Variants in MYH16 observed in about 807,000 individuals in gnomAD.
The protein encoded by MYH16 is myosin heavy chain 16.
exon 35 of MYH16, chr7:99,297,731 A>G (rs1792522911): frequency 2.2e-6 from 1 of 456,446 alleles, no homozygotes; most frequent in African/African-American, 2.0e-5. Context: ...GAAGTTGAAG[A>G]AAAAATTGGA....
exon 27 of MYH16, chr7:99,285,410 T>TAGA (rs1792263710): frequency 1.1e-5 from 5 of 456,588 alleles, no homozygotes; most frequent in Non-Finnish European, 2.2e-5. Context: ...GAAGAAGAAC[T>TAGA]AGAAGCTGAG....
At chr7:99,254,824 G>A (rs1487644698) in intron 8 of MYH16, among the ~76,000 whole-genome samples, 1 of 152,154 alleles carries the variant, frequency 6.6e-6, no homozygotes, top group African/African-American at 2.4e-5. Flanking sequence ...TTTTGAAATT[G>A]GGAGACTTCA....
chr7:99,245,134 GA>G lies in MYH16; in HGVS notation n.354+1714del, dbSNP rs1791713370. On this transcript the variant is annotated intron_variant and non_coding_transcript_variant, in intron 2 of 41. Coordinates refer to ENST00000439784, the Ensembl canonical transcript of MYH16. ...ACGGCTGAGACAGGCTGGAGGGGAA[GA>G]GTGACTCCATGGCTGGTGTCCCAGG... 3.3e-5 allele frequency among the ~76,000 whole-genome samples: 5 copies of G among 152,360 alleles called. No homozygotes were observed. In the South Asian group the frequency reaches 1.0e-3, roughly 32 times the overall value.
At chr7:99,281,076 C>T in intron 23 of MYH16, 96 bp downstream of exon 5, 1 of 201,934 alleles carries the variant, frequency 5.0e-6, no homozygotes, top group South Asian at 5.2e-5. Context: ...AAATCCTGGC[C>T]CTGCCGCCCC....
At chr7:99,299,210 C>CA (rs1356472809) in intron 36 of MYH16, among the ~76,000 whole-genome samples, 1 of 152,182 alleles carries the variant, frequency 6.6e-6, no homozygotes, top group Non-Finnish European at 1.5e-5. Context: ...CACACTACTA[C>CA]ACCATCACAG....
chr7:99,273,491 G>A, intron 20 of MYH16, 68 bp downstream of exon 2: 2 of 452,420 alleles, frequency 4.4e-6, no homozygotes, highest in Non-Finnish European at 4.4e-6. Flanking sequence ...GCTTGATCCT[G>A]GACAGAGATG....
At chr7:99,286,344 A>T (rs1317570412) in intron 27 of MYH16, 3 of 152,554 alleles carry the variant, frequency 2.0e-5, no homozygotes, top group South Asian at 2.1e-4. Context: ...TGAGCCAGGC[A>T]GGTGAAGGTT....
At chr7:99,263,089 T>G (rs1234405241) in intron 13 of MYH16, among the ~76,000 whole-genome samples, 1 of 152,080 alleles carries the variant, frequency 6.6e-6, no homozygotes. Flanking sequence ...TGGCGTATCC[T>G]AGATGGGCAA....
chr7:99,269,229 C>A (rs551362089), intron 18 of MYH16, among the ~76,000 whole-genome samples: 1 of 152,260 alleles, frequency 6.6e-6, no homozygotes, highest in Non-Finnish European at 1.5e-5. Context: ...CCCCTCCCTA[C>A]CCCCAGGAGT....
exon 38 of MYH16, chr7:99,301,781 T>C (rs12113440): frequency 0.28 from 43,055 of 152,538 alleles, 11,352 homozygotes; most frequent in African/African-American, 0.71. Context: ...GATCACCGAA[T>C]GGCACAACGA....
intron 19 of MYH16, among the ~76,000 whole-genome samples, chr7:99,271,820 C>T (rs1792050624): frequency 1.3e-5 from 2 of 152,182 alleles, no homozygotes; most frequent in Non-Finnish European, 2.9e-5. Flanking sequence ...CCACCTCAGC[C>T]TCCTGAGTAG....
At chr7:99,304,471 T>A (rs1047626291) in intron 39 of MYH16, 115 bp from the exon 21 acceptor site, 4 of 152,270 alleles carry the variant, frequency 2.6e-5, no homozygotes, top group African/African-American at 9.6e-5. Context: ...GGGCTTCCCT[T>A]GTCAACCAGT....
intron 21 of MYH16, among the ~76,000 whole-genome samples, chr7:99,279,177 T>G (rs1318145457): frequency 6.6e-6 from 1 of 151,180 alleles, no homozygotes; most frequent in Non-Finnish European, 1.5e-5. Flanking sequence ...GGTGACAGAG[T>G]GAGACTCTGT....
intron 32 of MYH16, among the ~76,000 whole-genome samples, chr7:99,292,960 T>TAA (rs35832231): frequency 5.6e-5 from 8 of 143,364 alleles, no homozygotes; most frequent in Non-Finnish European, 6.1e-5. Context: ...ATCCTGTCTC[T>TAA]AAAAAAAAAA....
chr7:99,282,946 C>T (rs1181373946), intron 23 of MYH16, among the ~76,000 whole-genome samples: 3 of 152,116 alleles, frequency 2.0e-5, no homozygotes, highest in Non-Finnish European at 2.9e-5. Flanking sequence ...CATAAGTGCC[C>T]GGGTGGGACA....
At chr7:99,256,835 C>T (rs1323620219) in intron 9 of MYH16, among the ~76,000 whole-genome samples, 1 of 151,970 alleles carries the variant, frequency 6.6e-6, no homozygotes, top group African/African-American at 2.4e-5. Context: ...CCTGTTATCC[C>T]AGGTACCTGG....
intron 13 of MYH16, chr7:99,261,744 C>G (rs1261092152): frequency 6.6e-6 from 1 of 152,468 alleles, no homozygotes; most frequent in East Asian, 1.9e-4. Flanking sequence ...CCCGCTTCCA[C>G]TAGTGCACAA....
chr7:99,283,465 C>T (rs752837142), intron 23 of MYH16, 100 bp from the exon 6 acceptor site: 1 of 423,862 alleles, frequency 2.4e-6, no homozygotes, highest in Non-Finnish European at 4.7e-6. Flanking sequence ...CTCCCCAAAG[C>T]CTGGGAGCTG....
At chr7:99,261,993 C>T (rs1791942312) in intron 13 of MYH16, 1 of 152,198 alleles carries the variant, frequency 6.6e-6, no homozygotes, top group African/African-American at 2.4e-5. Context: ...TCCACGAGCC[C>T]ATTAATTACT....
Sources: gnomAD v4.1 joint callset for allele counts (sites outside exome capture counted in the v4.1 genomes callset) on GRCh38, gnomAD v4.1.1 for gene constraint, MANE v1.5 for transcripts, NCBI Gene and HGNC (gene_info 2026-07-23, HGNC 2026-07-21) for gene names.